MAST2: variants seen among roughly 807,000 people sequenced by gnomAD.
MAST2 encodes the protein microtubule-associated serine/threonine-protein kinase 2.
A neutral mutation model predicts 147.4 loss-of-function variants in MAST2; 70 were observed. That is an observed-to-expected ratio of 0.47 (90% CI 0.39 to 0.58). The LOEUF (loss-of-function observed/expected upper bound fraction) is 0.58. Ranked by LOEUF, MAST2 falls within the 20% of genes least tolerant of loss-of-function variation. The pLI is 0.00. For synonymous variants in MAST2, 869 were observed against 896.8 expected (o/e 0.97, Z 0.55); for missense variants, 2,080 against 2,302.3 (o/e 0.90, Z 1.98).
At chr1:45,928,698 A>G (rs942213581) in intron 4 of MAST2, among the ~76,000 whole-genome samples, 3 of 151,738 alleles carry the variant, frequency 2.0e-5, no homozygotes, top group African/African-American at 7.3e-5. Flanking sequence ...CTCCAACCTC[A>G]GCCTCCCAAG....
At chr1:45,844,577 G>A (rs1182576285) in intron 3 of MAST2, among the ~76,000 whole-genome samples, 4 of 151,912 alleles carry the variant, frequency 2.6e-5, no homozygotes, top group South Asian at 4.1e-4. Flanking sequence ...AGCCACCGCG[G>A]CCAGCTTAAT....
chr1:45,945,625 TTAG>T (rs1036751769), intron 4 of MAST2, among the ~76,000 whole-genome samples: 3 of 152,204 alleles, frequency 2.0e-5, no homozygotes, highest in Admixed American at 6.5e-5. Context: ...TTAATCTGTA[TTAG>T]TAGCAGATTA....
At chr1:45,926,478 G>C (rs1212247282) in intron 4 of MAST2, among the ~76,000 whole-genome samples, 1 of 152,182 alleles carries the variant, frequency 6.6e-6, no homozygotes, top group Non-Finnish European at 1.5e-5. Flanking sequence ...AGGTGAGGCA[G>C]TGGCAGCTGG....
Position 46,034,718 on chromosome 1 carries a change from C to G in MAST2, c.4049C>G (p.Pro1350Arg), listed in dbSNP as rs756279295. Residue 1350 changes from proline to arginine, a missense_variant, in exon 29 of 29, where the codon CCT becomes CGT. By Grantham distance (103) the Pro-to-Arg change is moderately radical. This residue lies in a region of MAST2 where 1,278 missense variants were observed against 1,304.2 expected (regional missense o/e 0.98). Coordinates refer to ENST00000361297, the MANE Select transcript of MAST2 (RefSeq NM_015112.3). ...CCACTGTCACCACTGGCCCACACCC[C>G]TTCTCCCCCACCCCCAACAGCTTCA... ...SIPLSPLAHT[P>R]SPPPPTASPQ... is the part of the protein sequence containing the mutation. 7 of 1,614,034 alleles carry G rather than the reference C, an allele frequency of 4.3e-6. No homozygotes were observed. In the Admixed American group the frequency reaches 1.0e-4, roughly 23 times the overall value.
At chr1:45,881,528 A>G (rs1646843721) in intron 3 of MAST2, among the ~76,000 whole-genome samples, 1 of 152,216 alleles carries the variant, frequency 6.6e-6, no homozygotes, top group Non-Finnish European at 1.5e-5. Context: ...GACTTGATAC[A>G]CTTGGAAAGC....
chr1:45,836,680 A>C (rs770168168), intron 3 of MAST2, among the ~76,000 whole-genome samples: 4 of 152,168 alleles, frequency 2.6e-5, no homozygotes, highest in African/African-American at 9.7e-5. Context: ...TCTATATGTC[A>C]GTTGGCTTTA....
Position 45,930,207 on chromosome 1 carries a change from A to G in MAST2, c.501-29179A>G, listed in dbSNP as rs181323627. Among the ~76,000 whole-genome samples, 383 of 152,116 alleles carry G rather than the reference A, an allele frequency of 2.5e-3. 1 individual carries two copies. Among genetic ancestry groups the G allele is most frequent in the African/African-American group, 8.5e-3 (353 of 41,522 alleles). ...AATTCTCTGCCTCAGTCTCCCCAGT[A>G]GCTGAGATTACAGGCACCCACCACC... On this transcript the variant is annotated intron_variant, in intron 4 of 28. Transcript: ENST00000361297.
In MAST2 at chr1:46,035,034, G is replaced by A. The variant is rs773179238; in HGVS notation, c.4365G>A (p.Arg1455=). Residue 1455 remains arginine, a synonymous_variant, in exon 29 of 29, where the codon AGG becomes AGA. Coordinates refer to ENST00000361297, the MANE Select transcript of MAST2 (RefSeq NM_015112.3). The surrounding 1 kb of genome is among the most constrained non-coding windows in gnomAD (Gnocchi z 5.5). ...GCCCTCTGGAGGTAGTTGGAGCCAG[G>A]AGTGTGCTGTCTGGCAAGGGGGCCC... The part of the protein sequence containing the change: ...EVSPLEVVGA[R]SVLSGKGALP... The A allele has an allele frequency of 1.2e-6, 2 of 1,613,982 alleles. No homozygotes were observed. Among genetic ancestry groups the A allele is most frequent in the Non-Finnish European group, 1.7e-6 (2 of 1,180,026 alleles).
In MAST2 at chr1:46,023,994, G is replaced by A. The variant is rs779976352; in HGVS notation, c.1780+14G>A. 2 of 1,613,976 alleles carry A rather than the reference G, an allele frequency of 1.2e-6. No homozygotes were observed. Among genetic ancestry groups the A allele is most frequent in the Non-Finnish European group, 1.7e-6 (2 of 1,179,826 alleles). ...AGTACGTTGAAGGTACTGAGGCAAA[G>A]GTGGCCTGGCATGGAGGCCAAGGCA... On this transcript the variant is annotated intron_variant, in intron 15 of 28. Transcript: ENST00000361297. This position sits in a 1 kb window ranked among gnomAD's most constrained non-coding sequence, Gnocchi z 4.9.
intron 4 of MAST2, among the ~76,000 whole-genome samples, chr1:45,904,957 G>A (rs145252970): frequency 1.3e-4 from 20 of 151,908 alleles, no homozygotes; most frequent in Middle Eastern, 6.9e-3. Flanking sequence ...ACAGGGACAT[G>A]CCATCATGCC....
intron 4 of MAST2, among the ~76,000 whole-genome samples, chr1:45,931,144 C>A (rs1056169189): frequency 6.6e-6 from 1 of 152,120 alleles, no homozygotes; most frequent in Non-Finnish European, 1.5e-5. Flanking sequence ...CAGAAGGCTC[C>A]GATCCAGGAT....
intron 4 of MAST2, among the ~76,000 whole-genome samples, chr1:45,939,669 CAG>C (rs1391473991): frequency 6.6e-6 from 1 of 151,924 alleles, no homozygotes; most frequent in African/African-American, 2.4e-5. Flanking sequence ...GCCTCCCAAG[CAG>C]TGGGACTACA....
chr1:45,913,636 G>A (rs1328314658), intron 4 of MAST2: 5 of 1,006,604 alleles, frequency 5.0e-6, no homozygotes, highest in Non-Finnish European at 5.9e-6. Flanking sequence ...TGCCTCGTGG[G>A]CTCTTAGGTC....
intron 3 of MAST2, among the ~76,000 whole-genome samples, chr1:45,871,446 C>T (rs1434109407): frequency 6.6e-6 from 1 of 152,034 alleles, no homozygotes; most frequent in African/African-American, 2.4e-5. Context: ...TCACTGTAAC[C>T]AGAGGTGACC....
intron 5 of MAST2, among the ~76,000 whole-genome samples, chr1:45,972,525 C>T (rs749142286): frequency 2.6e-5 from 4 of 152,222 alleles, no homozygotes; most frequent in East Asian, 1.9e-4. Context: ...GGTCATGTGA[C>T]GGCTACATCC....
At chr1:46,025,973 AC>A (rs1160259705) in intron 16 of MAST2, among the ~76,000 whole-genome samples, 158 bp downstream of exon 16, 10 of 152,168 alleles carry the variant, frequency 6.6e-5, no homozygotes, top group Admixed American at 3.9e-4. Context: ...CCCCCCGACC[AC>A]CCCAGATGCA....
chr1:45,909,609 C>G (rs992513937), intron 4 of MAST2, among the ~76,000 whole-genome samples: 1 of 151,688 alleles, frequency 6.6e-6, no homozygotes, highest in African/African-American at 2.4e-5. Flanking sequence ...CCTCCCCCTC[C>G]TGGGTTCAAG....
At chr1:45,899,309 T>TTTTTC (rs1157607030) in intron 4 of MAST2, among the ~76,000 whole-genome samples, 3 of 144,442 alleles carry the variant, frequency 2.1e-5, no homozygotes, top group African/African-American at 5.0e-5. Context: ...TTTCTTTTCT[T>TTTTTC]TTTTTTTTTT....
intron 4 of MAST2, among the ~76,000 whole-genome samples, chr1:45,912,319 G>A (rs1306442137): frequency 6.6e-6 from 1 of 152,104 alleles, no homozygotes; most frequent in Non-Finnish European, 1.5e-5. Context: ...ACACACGTTC[G>A]CATTTGTATA....
Sources: allele counts gnomAD v4.1 joint callset (sites outside exome capture counted in the v4.1 genomes callset), GRCh38; gene constraint gnomAD v4.1.1; regional missense constraint gnomAD v4.1.1; non-coding constraint Gnocchi (gnomAD v3.1); transcripts MANE v1.5; gene names NCBI Gene and HGNC (gene_info 2026-07-23, HGNC 2026-07-21).